WNK3: variants seen among roughly 807,000 people sequenced by gnomAD.
The protein encoded by WNK3 is WNK lysine deficient protein kinase 3, also known as serine/threonine-protein kinase WNK3.
A neutral mutation model predicts 116.7 loss-of-function variants in WNK3; 18 were observed. That is an observed-to-expected ratio of 0.15 (90% CI 0.11 to 0.23). The LOEUF is 0.23. Among genes scored for constraint, WNK3 ranks in the 10% least tolerant of loss-of-function variants. WNK3 has a pLI of 1.00. For synonymous variants in WNK3, 404 were observed against 469.4 expected (o/e 0.86, Z 1.80); for missense variants, 993 against 1,323.8 (o/e 0.75, Z 3.88).
chrX:54,343,220 C>CA (rs1387652140), intron 1 of WNK3, among the ~76,000 whole-genome samples: 8 of 110,893 alleles, frequency 7.2e-5, no homozygotes. Flanking sequence ...TTTAAGAACA[C>CA]AGGCTCAGCC....
At chrX:54,239,195 G>T in intron 17 of WNK3, 96 bp from the exon 18 acceptor site, 12 of 485,557 alleles carry the variant, frequency 2.5e-5, no homozygotes, top group Non-Finnish European at 2.6e-5. Flanking sequence ...TAGGTAAGGT[G>T]AAGCTTTTAA....
exon 1 of WNK3, chrX:54,357,996 C>T (rs985219522): frequency 1.9e-5 from 2 of 105,887 alleles, no homozygotes; most frequent in Admixed American, 2.0e-4. Context: ...GCGCTCGGCC[C>T]GGAGCTGAGC....
chrX:54,340,592 C>T (rs2069308455), intron 1 of WNK3, among the ~76,000 whole-genome samples: 1 of 108,586 alleles, frequency 9.2e-6, no homozygotes, highest in Non-Finnish European at 1.9e-5. Context: ...GCCTTGGTGA[C>T]AGAGTGGGAC....
chrX:54,214,562 A>G (rs2067660551), intron 22 of WNK3, among the ~76,000 whole-genome samples: 2 of 111,773 alleles, frequency 1.8e-5, no homozygotes, highest in South Asian at 7.5e-4. Flanking sequence ...AAAAACCTCT[A>G]TGAAAGACAA....
At chrX:54,212,516 G>A (rs782565069) in intron 22 of WNK3, among the ~76,000 whole-genome samples, 4 of 112,546 alleles carry the variant, frequency 3.6e-5, no homozygotes, top group Admixed American at 1.9e-4. Flanking sequence ...TCATATAAGC[G>A]GGTAAAAGAA....
At chrX:54,284,044 T>C (rs2068552292) in intron 10 of WNK3, among the ~76,000 whole-genome samples, 1 of 110,743 alleles carries the variant, frequency 9.0e-6, no homozygotes, top group Non-Finnish European at 1.9e-5. Flanking sequence ...AAAACTTTGA[T>C]GAATCAGACT....
At position 54,239,115 on chromosome X, in the gene WNK3, C is replaced by CAAAACAAAA; in HGVS notation, c.3652-25_3652-17dup. The CAAAACAAAA allele has an allele frequency of 1.4e-6, 1 of 714,268 alleles. No individual in the cohort carries two copies. Among genetic ancestry groups the CAAAACAAAA allele is most frequent in the Non-Finnish European group, 1.8e-6 (1 of 545,990 alleles). 58.9% of individuals were successfully genotyped at this position (714,268 alleles called of 1,213,427 possible). On this transcript the variant is annotated splice_polypyrimidine_tract_variant and intron_variant, in intron 17 of 23. Coordinates refer to ENST00000354646, the Ensembl canonical transcript of WNK3. ...AGGACATCTCCTAATGGAGACAAAA[C>CAAAACAAAA]AAAACAAAACAAAACAAAACAAAAC... is the stretch of plus-strand genomic sequence containing the variant.
intron 22 of WNK3, among the ~76,000 whole-genome samples, chrX:54,216,311 A>ATATT (rs2067695150): frequency 1.9e-5 from 2 of 106,642 alleles, no homozygotes; most frequent in Admixed American, 2.1e-4. Context: ...ATATATATAT[A>ATATT]TATTTTGCAG....
intron 11 of WNK3, among the ~76,000 whole-genome samples, chrX:54,257,976 A>T (rs1411595879): frequency 1.8e-5 from 2 of 109,323 alleles, no homozygotes; most frequent in African/African-American, 6.6e-5. Context: ...TATTGAAATC[A>T]TCTAACAAGA....
intron 1 of WNK3, among the ~76,000 whole-genome samples, chrX:54,334,840 T>C (rs1303334445): frequency 8.9e-6 from 1 of 112,228 alleles, no homozygotes; most frequent in East Asian, 2.8e-4. Context: ...CCTTAGAAAA[T>C]AGTCAAGAAT....
intron 21 of WNK3, among the ~76,000 whole-genome samples, chrX:54,232,465 G>A (rs1441623222): frequency 9.0e-6 from 1 of 111,454 alleles, no homozygotes; most frequent in Non-Finnish European, 1.9e-5. Context: ...AGATTATCTT[G>A]TTACCAACAA....
chrX:54,250,467 T>C (rs1039437632), intron 15 of WNK3, among the ~76,000 whole-genome samples: 6 of 112,260 alleles, frequency 5.3e-5, no homozygotes, highest in Admixed American at 2.9e-4. Context: ...ATAGTGCTTA[T>C]ATAAATCTAT....
chrX:54,299,476 G>C (rs2068734532), intron 6 of WNK3, among the ~76,000 whole-genome samples: 1 of 98,176 alleles, frequency 1.0e-5, no homozygotes, highest in Admixed American at 1.1e-4. Context: ...TTGGGACGGA[G>C]TGCAGTCGCG....
chrX:54,212,110 C>CA (rs1398339274), intron 22 of WNK3, among the ~76,000 whole-genome samples: 1 of 110,817 alleles, frequency 9.0e-6, no homozygotes, highest in African/African-American at 3.3e-5. Flanking sequence ...CCTGTAGTCC[C>CA]AGCTACTCGG....
chrX:54,351,329 A>G (rs782029667), intron 1 of WNK3, among the ~76,000 whole-genome samples: 2 of 108,222 alleles, frequency 1.8e-5, no homozygotes, highest in African/African-American at 3.4e-5. Flanking sequence ...TTTTTCTTTC[A>G]TCCTTATTTT....
intron 10 of WNK3, among the ~76,000 whole-genome samples, chrX:54,291,818 T>C (rs1557165117): frequency 8.9e-6 from 1 of 111,893 alleles, no homozygotes; most frequent in Non-Finnish European, 1.9e-5. Flanking sequence ...AGTTTGATGA[T>C]GAACTGATAA....
At chrX:54,337,948 GC>G (rs1557175735) in intron 1 of WNK3, among the ~76,000 whole-genome samples, 2 of 108,267 alleles carry the variant, frequency 1.8e-5, no homozygotes, top group Admixed American at 2.0e-4. Context: ...TGTGCCTGTA[GC>G]CCAAACTCCA....
intron 17 of WNK3, among the ~76,000 whole-genome samples, 176 bp from the exon 18 acceptor site, chrX:54,239,275 T>C (rs782193124): frequency 1.8e-5 from 2 of 110,576 alleles, no homozygotes; most frequent in South Asian, 7.8e-4. Flanking sequence ...CGTATATAGT[T>C]GCATTAATAG....
At chrX:54,202,171 A>G in exon 23 of WNK3, 1 of 1,206,147 alleles carries the variant, frequency 8.3e-7, no homozygotes, top group Non-Finnish European at 1.1e-6. Context: ...ATGATGCTGC[A>G]TTACTCTCCA....
Sources: gnomAD v4.1 joint callset for allele counts (sites outside exome capture counted in the v4.1 genomes callset) on GRCh38, gnomAD v4.1.1 for gene constraint, MANE v1.5 for transcripts, NCBI Gene and HGNC (gene_info 2026-07-23, HGNC 2026-07-21) for gene names.